Variants in ARHGAP22 observed in about 807,000 individuals in gnomAD.
ARHGAP22 encodes rho GTPase-activating protein 22.
ARHGAP22 carries 48 observed loss-of-function variants against 59.1 expected under a neutral mutation model. That is an observed-to-expected ratio of 0.81 (90% CI 0.64 to 1.03). ARHGAP22 has a LOEUF of 1.03. Among genes scored for constraint, ARHGAP22 ranks in the 50% least tolerant of loss-of-function variants. The probability of loss-of-function intolerance (pLI) is 0.00; values close to 1 mark genes in which losing one functional copy is unlikely to be tolerated. For synonymous variants in ARHGAP22, 445 were observed against 416.4 expected, an observed-to-expected ratio of 1.07 and a Z score of -0.84; for missense variants, 1,015 against 958.7, an observed-to-expected ratio of 1.06 and a Z score of -0.78.
At chr10:48,655,241 A>ATG (rs71465467), upstream of ARHGAP22, among the ~76,000 whole-genome samples, 971 of 29,420 alleles carry the variant, frequency 0.033, 3 homozygotes, top group Middle Eastern at 0.088. Context: ...TGGAGAGTGG[A>ATG]TGTGTGTGTG....
intron 3 of ARHGAP22, among the ~76,000 whole-genome samples, chr10:48,519,619 C>T (rs1409424215): frequency 3.3e-5 from 5 of 152,224 alleles, no homozygotes; most frequent in Non-Finnish European, 7.3e-5. Context: ...CAAAGTGATC[C>T]CCAGCGGCAG....
chr10:48,610,841 G>T (rs1429340404), intron 1 of ARHGAP22, among the ~76,000 whole-genome samples: 1 of 152,184 alleles, frequency 6.6e-6, no homozygotes, highest in Admixed American at 6.5e-5. Flanking sequence ...AGTGAAGTTG[G>T]CTGTAAAGCT....
At chr10:48,436,086 G>A in the ARHGAP22 span, 1 of 152,146 alleles carries the variant, frequency 6.6e-6, no homozygotes, top group African/African-American at 2.4e-5. Flanking sequence ...ATTTATACGA[G>A]CTATTGGGAG....
chr10:48,544,767 A>G (rs1220518397), intron 3 of ARHGAP22, among the ~76,000 whole-genome samples: 1 of 152,252 alleles, frequency 6.6e-6, no homozygotes, highest in African/African-American at 2.4e-5. Flanking sequence ...TCGCAACACA[A>G]ATAAATGGTA....
chr10:48,547,770 C>T (rs1814469), intron 3 of ARHGAP22, among the ~76,000 whole-genome samples: 52,147 of 152,076 alleles, frequency 0.34, 10,595 homozygotes, highest in East Asian at 0.9. Flanking sequence ...GTGTGGGGGG[C>T]CATCGGCTCG....
chr10:48,493,664 ACTT>A lies in ARHGAP22; in HGVS notation c.323-13903_323-13901del, dbSNP rs1299671617. On this transcript the variant is annotated intron_variant, in intron 3 of 9. Coordinates refer to ENST00000249601, the MANE Select transcript of ARHGAP22 (RefSeq NM_021226.4). ...TGAGGCCTTTTGTCTCTCCTGGGGA[ACTT>A]CTGCATTTATCAGTGCCCGAAGGCT... is the stretch of plus-strand genomic sequence containing the variant. 2.9e-6 allele frequency: 4 copies of A among 1,402,382 alleles called. No homozygotes were observed. The African/African-American group carries it at 5.8e-5, about 20-fold the overall frequency. 86.9% of individuals were successfully genotyped at this position (1,402,382 alleles called of 1,614,324 possible).
At chr10:48,639,035 T>G (rs2061937632) in intron 1 of ARHGAP22, among the ~76,000 whole-genome samples, 1 of 152,264 alleles carries the variant, frequency 6.6e-6, no homozygotes, top group Non-Finnish European at 1.5e-5. Context: ...GAAAAACTTC[T>G]AAACTTTGAG....
intron 1 of ARHGAP22, among the ~76,000 whole-genome samples, chr10:48,650,443 T>C (rs1232735711): frequency 6.6e-6 from 1 of 152,112 alleles, no homozygotes; most frequent in Non-Finnish European, 1.5e-5. Context: ...GGGAGCAACC[T>C]CTTAATAGGT....
chr10:48,454,140 G>A lies in ARHGAP22; in HGVS notation c.814C>T (p.Gln272Ter). The change falls in exon 7 of 10, where the codon CAA (glutamine) becomes TAA (stop). Residue 272 changes from glutamine to a stop codon, truncating the protein, a stop_gained. Transcript: ENST00000249601. LOFTEE classifies it high-confidence loss of function. ...EGEGTLELAK[Q>*]VSNLPQANYN... ...TTTGCCTGAGGAAGGTTGCTCACTTGTTTAGCCAACTCCAGAGTGCCCTTA... is the reference window on the plus strand; with the variant it reads ...TTTGCCTGAGGAAGGTTGCTCACTTATTTAGCCAACTCCAGAGTGCCCTTA... 2.5e-6 allele frequency: 4 copies of A among 1,613,940 alleles called. No homozygotes were observed. The highest frequency in any genetic ancestry group is 1.3e-5 in the African/African-American group (1 of 75,046).
intron 1 of ARHGAP22, among the ~76,000 whole-genome samples, chr10:48,620,913 T>C (rs780488573): frequency 1.2e-4 from 19 of 152,346 alleles, no homozygotes; most frequent in Non-Finnish European, 2.4e-4. Context: ...CTGCTTCACC[T>C]TCCTCAGAGG....
upstream of ARHGAP22, among the ~76,000 whole-genome samples, chr10:48,605,336 C>G (rs950684968): frequency 5.1e-5 from 7 of 137,880 alleles, no homozygotes; most frequent in African/African-American, 7.7e-5. Context: ...CGAGACCCCC[C>G]CCCCACCCCA....
chr10:48,532,405 T>C (rs2054932901), intron 3 of ARHGAP22: 1 of 152,196 alleles, frequency 6.6e-6, no homozygotes, highest in Non-Finnish European at 1.5e-5. Context: ...ACACACTGTA[T>C]GTCCACATAA....
At chr10:48,537,954 GGGCCCTGCTGCGGAGGGCCAGT>G (rs1262093686) in intron 3 of ARHGAP22, among the ~76,000 whole-genome samples, 2 of 152,206 alleles carry the variant, frequency 1.3e-5, no homozygotes, top group African/African-American at 4.8e-5. Context: ...TAGTGAGCAT[GGGCCCTGCTGCGGAGGGCCAGT>G]GGCCCTGGCA....
At chr10:48,479,244 C>T (rs2049034772) in intron 4 of ARHGAP22, 2 of 246,120 alleles carry the variant, frequency 8.1e-6, no homozygotes, top group Non-Finnish European at 1.6e-5. Context: ...ACACCCCCGC[C>T]GTCCTCTCAC....
In ARHGAP22 at chr10:48,450,463, T is replaced by C; in HGVS notation, c.1666A>G (p.Ser556Gly). The C allele has an allele frequency of 1.3e-6, 2 of 1,545,796 alleles. No homozygotes were observed. Among genetic ancestry groups the C allele is most frequent in the Non-Finnish European group, 1.7e-6 (2 of 1,144,544 alleles). The change falls in exon 9 of 10, where the codon AGC becomes GGC. Residue 556 changes from serine (S) to glycine (G), a missense_variant. Coordinates refer to ENST00000249601, the MANE Select transcript of ARHGAP22 (RefSeq NM_021226.4). ...AGGGACTTGGGGTCCTCGCTGCTGC[T>C]GGGGAGCGGGGAGGGCTCCAGGGCC... ...DWALEPSPLP[S>G]SSEDPKSLDL...
At chr10:48,629,663 C>T (rs1348377828) in intron 1 of ARHGAP22, among the ~76,000 whole-genome samples, 1 of 152,132 alleles carries the variant, frequency 6.6e-6, no homozygotes, top group East Asian at 1.9e-4. Context: ...TCCTTCATTT[C>T]TGTGTTGGTT....
intron 1 of ARHGAP22, among the ~76,000 whole-genome samples, chr10:48,647,148 C>A (rs1374787543): frequency 6.6e-6 from 1 of 152,178 alleles, no homozygotes; most frequent in African/African-American, 2.4e-5. Flanking sequence ...AATCCCAACA[C>A]TTTCGCAGGC....
At chr10:48,567,239 A>C (rs1023426359) in intron 2 of ARHGAP22, among the ~76,000 whole-genome samples, 3 of 152,164 alleles carry the variant, frequency 2.0e-5, no homozygotes, top group African/African-American at 7.2e-5. Flanking sequence ...CCTGTGGTTG[A>C]GGCTGCACTA....
intron 3 of ARHGAP22, among the ~76,000 whole-genome samples, chr10:48,543,535 GT>G (rs997459694): frequency 1.3e-5 from 2 of 152,170 alleles, no homozygotes; most frequent in African/African-American, 2.4e-5. Flanking sequence ...TAAGTATAAA[GT>G]TTTTTTTCTT....
Sources: allele counts gnomAD v4.1 joint callset (sites outside exome capture counted in the v4.1 genomes callset), GRCh38; gene constraint gnomAD v4.1.1; transcripts MANE v1.5; gene names NCBI Gene and HGNC (gene_info 2026-07-23, HGNC 2026-07-21).